Variants in BAAT observed in about 807,000 individuals in gnomAD.
BAAT encodes the protein bile acid-CoA:amino acid N-acyltransferase.
In BAAT, 13 loss-of-function variants were observed where a neutral mutation model predicts 18.9. The ratio of observed to expected loss-of-function variants is 0.69; its 90% CI spans 0.45 to 1.10. The LOEUF is 1.10. BAAT is among the 50% of genes least tolerant of loss of function. The probability of loss-of-function intolerance (pLI) is 0.00; values close to 1 mark genes in which losing one functional copy is unlikely to be tolerated. For synonymous variants in BAAT, 170 were observed against 190.7 expected (o/e 0.89, Z 0.89); for missense variants, 489 against 504.0 (o/e 0.97, Z 0.28).
chr9:101,378,560 C>T (rs1830083977), intron 1 of BAAT, among the ~76,000 whole-genome samples: 2 of 152,142 alleles, frequency 1.3e-5, no homozygotes, highest in African/African-American at 2.4e-5. Context: ...CTTCCTTACA[C>T]CTTATACAAA....
At chr9:101,365,805 A>G (rs2119018192) in intron 3 of BAAT, among the ~76,000 whole-genome samples, 1 of 152,260 alleles carries the variant, frequency 6.6e-6, no homozygotes, top group South Asian at 2.1e-4. Context: ...AAGTGCTGGG[A>G]TTACAGGCAT....
chr9:101,373,815 G>T (rs1191617127), intron 1 of BAAT, among the ~76,000 whole-genome samples: 1 of 152,102 alleles, frequency 6.6e-6, no homozygotes, highest in Non-Finnish European at 1.5e-5. Context: ...AAAGGTCTCG[G>T]GGGTAGGGGC....
At chr9:101,368,371 G>A (rs1231965316) in intron 2 of BAAT, 49 bp from the exon 3 acceptor site, 1 of 1,544,546 alleles carries the variant, frequency 6.5e-7, no homozygotes, top group Admixed American at 1.8e-5. Context: ...GTGTGGAAAA[G>A]ATAAGAAAAC....
intron 3 of BAAT, among the ~76,000 whole-genome samples, chr9:101,366,334 C>A (rs1364465352): frequency 1.3e-5 from 2 of 152,156 alleles, no homozygotes; most frequent in African/African-American, 4.8e-5. Flanking sequence ...GTTACAACTT[C>A]TACCACAAAA....
At chr9:101,374,058 C>T (rs922852682) in intron 1 of BAAT, among the ~76,000 whole-genome samples, 2 of 152,022 alleles carry the variant, frequency 1.3e-5, no homozygotes, top group Non-Finnish European at 2.9e-5. Flanking sequence ...GGACTTTACG[C>T]CTATTAATTT....
chr9:101,363,015 C>T lies in BAAT; in HGVS notation c.670G>A (p.Val224Ile). 1 of 1,612,376 alleles carries T rather than the reference C, an allele frequency of 6.2e-7. No homozygotes were observed. Among genetic ancestry groups the T allele is most frequent in the Non-Finnish European group, 8.5e-7 (1 of 1,179,032 alleles). The change falls in exon 4 of 4, where the codon GTC becomes ATC. Residue 224 changes from valine to isoleucine, a missense_variant and splice_region_variant. Coordinates refer to ENST00000259407, the MANE Select transcript of BAAT (RefSeq NM_001701.4). ...AANFLLRHPK[V>I]FGSGVGVVSV... Reference sequence around the variant, plus strand: ...ACTACCCCAACGCCTGAGCCAAAGACCTGAAAAAAATAATAGAAATGAGAA... The same window carrying T: ...ACTACCCCAACGCCTGAGCCAAAGATCTGAAAAAAATAATAGAAATGAGAA...
intron 2 of BAAT, among the ~76,000 whole-genome samples, chr9:101,370,400 T>C (rs12338315): frequency 0.17 from 23,217 of 138,808 alleles, 2,006 homozygotes; most frequent in South Asian, 0.23. Context: ...GCAGCCTCAA[T>C]CTCCGAGGCT....
intron 1 of BAAT, chr9:101,375,622 G>T: frequency 6.1e-6 from 1 of 164,806 alleles, no homozygotes; most frequent in East Asian, 1.7e-4. Flanking sequence ...CTCCGTTTGT[G>T]GTGAAAGTGA....
chr9:101,370,938 C>T lies in BAAT; in HGVS notation c.466+1G>A. On this transcript the variant is annotated splice_donor_variant, in intron 2 of 3. Coordinates refer to ENST00000259407, the MANE Select transcript of BAAT (RefSeq NM_001701.4). LOFTEE classifies it high-confidence loss of function. ...ACAATAAGCAGAGTAATTCTACTCA[C>T]CTGGAGGGAGAAAGAGAGCTCCTCG... 1 of 1,613,898 alleles carries T rather than the reference C, an allele frequency of 6.2e-7. No individual in the cohort carries two copies. Among genetic ancestry groups the T allele is most frequent in the South Asian group, 1.1e-5 (1 of 91,076 alleles).
chr9:101,371,337 C>G lies in BAAT; in HGVS notation c.68G>C (p.Gly23Ala). 1 of 1,613,986 alleles carries G rather than the reference C, an allele frequency of 6.2e-7. No homozygotes were observed. Among genetic ancestry groups the G allele is most frequent in the Non-Finnish European group, 8.5e-7 (1 of 1,180,002 alleles). ...ACTCACCATCTGAAAGGGAATCAGG[C>G]CTGTAGCTCGGATATGCACTGGCTC... Reference protein sequence around the residue: ...VDEPVHIRATGLIPFQMVSFQ... With the variant: ...VDEPVHIRATALIPFQMVSFQ... The change falls in exon 2 of 4, where the codon GGC (glycine) becomes GCC (alanine). Residue 23 changes from glycine to alanine, a missense_variant. Physicochemically the swap from Gly to Ala is moderately conservative, Grantham distance 60 (BLOSUM62 0). Coordinates refer to ENST00000259407, the MANE Select transcript of BAAT (RefSeq NM_001701.4).
At chr9:101,377,259 G>T (rs1481708903) in intron 1 of BAAT, among the ~76,000 whole-genome samples, 1 of 152,154 alleles carries the variant, frequency 6.6e-6, no homozygotes, top group East Asian at 1.9e-4. Flanking sequence ...CAACATTAAA[G>T]AGCCCCAAAT....
At chr9:101,365,944 A>G (rs75250089) in intron 3 of BAAT, among the ~76,000 whole-genome samples, 3,056 of 152,304 alleles carry the variant, frequency 0.02, 106 homozygotes, top group African/African-American at 0.069. Context: ...TGATTAACAT[A>G]TCCATTACCT....
Position 101,368,147 on chromosome 9 carries a change from A to G in BAAT, c.642T>C (p.Ala214=). ...EVTDLEYFEE[A]ANFLLRHPKV... ...TTGGATGTCTCAGGAGAAAGTTGGC[A>G]GCCTCCTCAAAATATTCCAAATCTG... is the stretch of plus-strand genomic sequence containing the variant. Residue 214 remains alanine (A), a synonymous_variant, in exon 3 of 4, where the codon GCT becomes GCC. Transcript: ENST00000259407. The G allele has an allele frequency of 1.9e-6, 3 of 1,614,160 alleles. No individual in the cohort carries two copies. The highest frequency in any genetic ancestry group is 2.5e-6 in the Non-Finnish European group (3 of 1,179,998).
chr9:101,366,393 CAT>C (rs1829828339), intron 3 of BAAT, among the ~76,000 whole-genome samples: 1 of 152,276 alleles, frequency 6.6e-6, no homozygotes, highest in East Asian at 1.9e-4. Flanking sequence ...AAAATCAACA[CAT>C]AGAGAAATAA....
In BAAT at chr9:101,381,406, CCCAGCTGCTTGA is replaced by C. The variant is rs1185571020; in HGVS notation, c.-60+3437_-60+3448del. On this transcript the variant is annotated intron_variant, in intron 1 of 3. Transcript: ENST00000259407. ...GGGTGTGGTGGGGCAAACTTGTAGT[CCCAGCTGCTTGA>C]GAGGCTGAGGCAGAAGAATTGCTTG... 5.3e-5 allele frequency among the ~76,000 whole-genome samples: 8 copies of C among 152,154 alleles called. No individual in the cohort carries two copies. The South Asian group carries it at 1.7e-3, about 32-fold the overall frequency.
Position 101,371,454 on chromosome 9 carries a change from A to G in BAAT, c.-50T>C. 1 of 1,503,722 alleles carries G rather than the reference A, an allele frequency of 6.7e-7. No homozygotes were observed. The highest frequency in any genetic ancestry group is 9.1e-7 in the Non-Finnish European group (1 of 1,098,108). The allele number at this position is 1,503,722 out of a possible 1,614,324, so 93.1% of individuals were successfully genotyped here. A position where few individuals can be genotyped will look rare whatever the true frequency, so the allele number is the denominator to read the frequency against. ...ATTCTTCAGGAATATCTTCAGCAAA[A>G]CCTCAAAACCTCAAAAAAGAAAGAA... is the stretch of plus-strand genomic sequence containing the variant. On this transcript the variant is annotated 5_prime_UTR_variant, in exon 2 of 4. Transcript: ENST00000259407.
At chr9:101,371,737 A>G (rs1474253013) in intron 1 of BAAT, among the ~76,000 whole-genome samples, 2 of 152,226 alleles carry the variant, frequency 1.3e-5, no homozygotes, top group African/African-American at 4.8e-5. Context: ...TACATCTAGG[A>G]AGATAACACA....
chr9:101,370,165 G>C (rs1829906714), intron 2 of BAAT, among the ~76,000 whole-genome samples: 1 of 152,178 alleles, frequency 6.6e-6, no homozygotes, highest in South Asian at 2.1e-4. Context: ...ATCACATCAA[G>C]ATGAGGGTCT....
chr9:101,377,574 C>T (rs1458950858), intron 1 of BAAT, among the ~76,000 whole-genome samples: 2 of 152,116 alleles, frequency 1.3e-5, no homozygotes, highest in Admixed American at 6.5e-5. Flanking sequence ...GCTAAAAACT[C>T]TCAGTAAACT....
Sources: allele counts gnomAD v4.1 joint callset (sites outside exome capture counted in the v4.1 genomes callset), GRCh38; gene constraint gnomAD v4.1.1; transcripts MANE v1.5; gene names NCBI Gene and HGNC (gene_info 2026-07-23, HGNC 2026-07-21).